The following NTF3 variants were observed in gnomAD, a reference collection of about 807,000 sequenced individuals.
NTF3 encodes the protein neurotrophin-3.
NTF3 carries 8 observed loss-of-function variants against 26.3 expected under a neutral mutation model. The observed-to-expected ratio is 0.30, with a 90% confidence interval of 0.18 to 0.55. The LOEUF (loss-of-function observed/expected upper bound fraction) is 0.55, where lower values mean the gene tolerates loss of function less well. Ranked by LOEUF, NTF3 falls within the 20% of genes least tolerant of loss-of-function variation. The pLI is 0.93. For synonymous variants in NTF3, 154 were observed against 145.5 expected (o/e 1.06, Z -0.42); for missense variants, 276 against 352.9 (o/e 0.78, Z 1.75).
At chr12:5,444,438 G>A (rs1940278976) in intron 1 of NTF3, among the ~76,000 whole-genome samples, 1 of 152,186 alleles carries the variant, frequency 6.6e-6, no homozygotes, top group South Asian at 2.1e-4. Context: ...GAAGTAACTA[G>A]GAAACTTCCT....
chr12:5,491,086 G>A (rs186663697), intron 1 of NTF3, among the ~76,000 whole-genome samples: 10 of 152,130 alleles, frequency 6.6e-5, no homozygotes, highest in Non-Finnish European at 1.3e-4. Flanking sequence ...TTTTTGTTGC[G>A]CCTACGAACC....
At chr12:5,437,389 C>T (rs1435103817) in intron 1 of NTF3, among the ~76,000 whole-genome samples, 1 of 152,242 alleles carries the variant, frequency 6.6e-6, no homozygotes, top group Non-Finnish European at 1.5e-5. Context: ...AGTTTAATTA[C>T]ATAACATTTC....
At chr12:5,489,922 G>A (rs991768367) in intron 1 of NTF3, among the ~76,000 whole-genome samples, 8 of 152,284 alleles carry the variant, frequency 5.3e-5, no homozygotes, top group African/African-American at 1.4e-4. Context: ...AGTATTTTGA[G>A]GGATGGTGAA....
intron 1 of NTF3, among the ~76,000 whole-genome samples, chr12:5,450,560 A>C (rs1375729213): frequency 1.9e-4 from 29 of 152,202 alleles, no homozygotes; most frequent in Admixed American, 1.9e-3. Flanking sequence ...CTGCATTGTC[A>C]CTCAGACAAC....
chr12:5,476,541 T>G (rs150984463), intron 1 of NTF3, among the ~76,000 whole-genome samples: 16 of 152,288 alleles, frequency 1.1e-4, no homozygotes, highest in African/African-American at 3.6e-4. Context: ...GGAGAATAGA[T>G]GTATAAACTG....
chr12:5,451,800 C>T (rs1202708279), intron 1 of NTF3, among the ~76,000 whole-genome samples: 1 of 152,100 alleles, frequency 6.6e-6, no homozygotes, highest in African/African-American at 2.4e-5. Context: ...CTCAAGCGAT[C>T]CTCTTACCTC....
chr12:5,482,136 CACAT>C (rs1940814208), intron 1 of NTF3, among the ~76,000 whole-genome samples: 2 of 152,188 alleles, frequency 1.3e-5, no homozygotes, highest in Non-Finnish European at 2.9e-5. Flanking sequence ...CACACAGACA[CACAT>C]AGACACATGT....
intron 1 of NTF3, among the ~76,000 whole-genome samples, chr12:5,437,804 T>C (rs999645003): frequency 1.3e-5 from 2 of 152,196 alleles, no homozygotes; most frequent in Admixed American, 6.5e-5. Flanking sequence ...CCCCGTGTGG[T>C]GCTGCTGATA....
intron 1 of NTF3, among the ~76,000 whole-genome samples, chr12:5,487,136 T>G (rs577701705): frequency 1.2e-4 from 18 of 152,320 alleles, no homozygotes; most frequent in African/African-American, 4.3e-4. Flanking sequence ...TCCTGGGGCT[T>G]GTGTCGGCAT....
At position 5,433,780 on chromosome 12, in the gene NTF3, A is replaced by G. The variant is rs1238443932; in HGVS notation, c.18+1438A>G. On this transcript the variant is annotated intron_variant, in intron 1 of 1. Transcript: ENST00000423158. This position sits in a 1 kb window ranked among gnomAD's most constrained non-coding sequence, Gnocchi z 4.6. The stretch of plus-strand genomic sequence containing the variant: ...GGTTGCTCCCGGGAGCGCCGGGCTC[A>G]GAGCTAGAGAGCTCGGGAGACTGTG... 6.6e-6 allele frequency among the ~76,000 whole-genome samples: 1 copy of G among 151,638 alleles called. No individual in the cohort carries two copies. The highest frequency in any genetic ancestry group is 2.1e-4 in the South Asian group (1 of 4,784).
At chr12:5,475,860 G>T (rs922074032) in intron 1 of NTF3, among the ~76,000 whole-genome samples, 2 of 149,340 alleles carry the variant, frequency 1.3e-5, no homozygotes, top group Admixed American at 1.3e-4. Context: ...AAGAAAGAGA[G>T]AGAGAGAGAG....
chr12:5,432,138 A>C lies in NTF3; in HGVS notation c.-187A>C. Reference sequence around the variant, plus strand: ...GAGTTGAAGCTCCTCTCCCTTCCGAACAGCTCCGCGCACCGCCCCGCGACG... The same window carrying C: ...GAGTTGAAGCTCCTCTCCCTTCCGACCAGCTCCGCGCACCGCCCCGCGACG... On this transcript the variant is annotated 5_prime_UTR_variant, in exon 1 of 2. Transcript: ENST00000423158. 1.4e-6 allele frequency: 1 copy of C among 694,366 alleles called. No individual in the cohort carries two copies. Among genetic ancestry groups the C allele is most frequent in the Non-Finnish European group, 2.6e-6 (1 of 388,620 alleles). The allele number at this position is 694,366 out of a possible 1,614,324, so 43.0% of individuals were successfully genotyped here. A position where few individuals can be genotyped will look rare whatever the true frequency, so the allele number is the denominator to read the frequency against.
At chr12:5,481,631 G>A (rs1565395386) in intron 1 of NTF3, among the ~76,000 whole-genome samples, 1 of 57,434 alleles carries the variant, frequency 1.7e-5, no homozygotes, top group Non-Finnish European at 3.3e-5. Context: ...ACACATACAT[G>A]CACACATACA....
At chr12:5,447,335 C>G (rs907149940) in intron 1 of NTF3, among the ~76,000 whole-genome samples, 1 of 152,130 alleles carries the variant, frequency 6.6e-6, no homozygotes, top group Non-Finnish European at 1.5e-5. Flanking sequence ...AGTTTACTAT[C>G]GTATTAAGGA....
chr12:5,490,046 G>C (rs1940914890), intron 1 of NTF3, among the ~76,000 whole-genome samples: 1 of 152,202 alleles, frequency 6.6e-6, no homozygotes, highest in Non-Finnish European at 1.5e-5. Context: ...ACTCTGAGCA[G>C]GGGAAATGGG....
chr12:5,447,196 A>T (rs1940317251), intron 1 of NTF3, among the ~76,000 whole-genome samples: 1 of 152,262 alleles, frequency 6.6e-6, no homozygotes, highest in African/African-American at 2.4e-5. Context: ...TTTTGATTAA[A>T]GGACAGTAAT....
chr12:5,476,440 G>A (rs1940724462), intron 1 of NTF3, among the ~76,000 whole-genome samples: 1 of 152,228 alleles, frequency 6.6e-6, no homozygotes, highest in Non-Finnish European at 1.5e-5. Flanking sequence ...TAAGGGCTGA[G>A]CAGAGCAGAT....
At chr12:5,476,237 G>A (rs189124936) in intron 1 of NTF3, among the ~76,000 whole-genome samples, 236 of 152,260 alleles carry the variant, frequency 1.5e-3, no homozygotes, top group African/African-American at 5.4e-3. Flanking sequence ...AAAGTATCTG[G>A]TCTCCTCAGA....
At chr12:5,435,501 A>C (rs954625881) in intron 1 of NTF3, among the ~76,000 whole-genome samples, 1 of 152,156 alleles carries the variant, frequency 6.6e-6, no homozygotes, top group African/African-American at 2.4e-5. Flanking sequence ...GGTTTTGTAA[A>C]AAGTGGGGCA....
Sources: gnomAD v4.1 joint callset for allele counts (sites outside exome capture counted in the v4.1 genomes callset) on GRCh38, gnomAD v4.1.1 for gene constraint, Gnocchi (gnomAD v3.1) non-coding constraint, MANE v1.5 for transcripts, NCBI Gene and HGNC (gene_info 2026-07-23, HGNC 2026-07-21) for gene names.